ZBTB10: variants seen among roughly 807,000 people sequenced by gnomAD.
ZBTB10 encodes the protein zinc finger and BTB domain containing 10, also known as zinc finger and BTB domain-containing protein 10.
A neutral mutation model predicts 76.4 loss-of-function variants in ZBTB10; 32 were observed. The observed-to-expected ratio is 0.42, with a 90% CI of 0.32 to 0.56. ZBTB10 has a LOEUF of 0.56. Ranked by LOEUF, ZBTB10 falls within the 20% of genes least tolerant of loss-of-function variation. The probability of loss-of-function intolerance (pLI) is 0.14; values close to 1 mark genes in which losing one functional copy is unlikely to be tolerated. For missense variants in ZBTB10, 1,057 were observed against 1,098.5 expected (o/e 0.96, Z 0.53); for synonymous variants, 523 against 432.9 (o/e 1.21, Z -2.58).
chr8:80,491,150 G>C (rs1010940492), intron 1 of ZBTB10, among the ~76,000 whole-genome samples: 1 of 152,126 alleles, frequency 6.6e-6, no homozygotes, highest in Admixed American at 6.5e-5. Flanking sequence ...CAGCTTCCAG[G>C]TATGCCAGCT....
intron 1 of ZBTB10, among the ~76,000 whole-genome samples, chr8:80,488,257 C>T (rs995341917): frequency 5.9e-5 from 9 of 152,108 alleles, no homozygotes; most frequent in African/African-American, 2.2e-4. Flanking sequence ...TTCAGGAAAA[C>T]GTCCAGCCGA....
intron 2 of ZBTB10, among the ~76,000 whole-genome samples, chr8:80,506,305 T>C (rs1325608858): frequency 1.3e-5 from 2 of 152,028 alleles, no homozygotes; most frequent in Non-Finnish European, 2.9e-5. Flanking sequence ...TCATGGGTTT[T>C]TTTTCTTTTT....
rs193012275 is a variant in ZBTB10 at position 80,488,806 on chromosome 8, C to T, written c.972+1024C>T. ...GAATTCATTCTTTCGTATTGGTTAG[C>T]CAGTCGTTGATTTTATAAAGTTAGC... On this transcript the variant is annotated intron_variant, in intron 1 of 5. Coordinates refer to ENST00000455036, the MANE Select transcript of ZBTB10 (RefSeq NM_001105539.3). 6.1e-3 allele frequency among the ~76,000 whole-genome samples: 933 copies of T among 152,202 alleles called. 6 individuals carry two copies. Among genetic ancestry groups the T allele is most frequent in the Non-Finnish European group, 9.6e-3 (651 of 68,024 alleles).
In ZBTB10 at chr8:80,524,285, C is replaced by T. The variant is rs1036458556; in HGVS notation, c.*4757C>T. The stretch of plus-strand genomic sequence containing the variant: ...AAGTACATAAATGACAGACTACCTC[C>T]AAGTAATCCTGCTTTAATTAATAGC... On this transcript the variant is annotated 3_prime_UTR_variant, in exon 6 of 6. Coordinates refer to ENST00000455036, the MANE Select transcript of ZBTB10 (RefSeq NM_001105539.3). 6.6e-6 allele frequency: 1 copy of T among 152,006 alleles called. No homozygotes were observed. Among genetic ancestry groups the T allele is most frequent in the African/African-American group, 2.4e-5 (1 of 41,418 alleles). 9.4% of individuals were successfully genotyped at this position (152,006 alleles called of 1,614,324 possible). A position where few individuals can be genotyped will look rare whatever the true frequency, so the allele number is the denominator to read the frequency against.
At chr8:80,509,955 A>G (rs1438434685) in intron 2 of ZBTB10, among the ~76,000 whole-genome samples, 2 of 152,136 alleles carry the variant, frequency 1.3e-5, no homozygotes, top group African/African-American at 2.4e-5. Context: ...CCGTCCTTCC[A>G]TGAATAGTAC....
rs1423841879 is a variant in ZBTB10, at chr8:80,499,943, T to C, written c.1422T>C (p.Ser474=). The C allele has an allele frequency of 1.9e-6, 3 of 1,613,986 alleles. No individual in the cohort carries two copies. The highest frequency in any genetic ancestry group is 1.6e-4 in the Middle Eastern group (1 of 6,062). ...NISIKSEAPE[S]VVVDYNNRKP... ...GCATTAAATCAGAAGCTCCAGAGTC[T>C]GTAGTTGTGGACTATAATAATAGAA... is the stretch of plus-strand genomic sequence containing the variant. The change falls in exon 2 of 6, where the codon TCT becomes TCC. Residue 474 remains serine, a synonymous_variant. Coordinates refer to ENST00000455036, the MANE Select transcript of ZBTB10 (RefSeq NM_001105539.3).
intron 1 of ZBTB10, among the ~76,000 whole-genome samples, chr8:80,495,655 G>A (rs1234329351): frequency 6.6e-6 from 1 of 151,962 alleles, no homozygotes; most frequent in Non-Finnish European, 1.5e-5. Context: ...TGTAGACCCT[G>A]GCCAAAGTAG....
Position 80,503,206 on chromosome 8 carries a change from AATT to A in ZBTB10, c.1861+2830_1861+2832del, listed in dbSNP as rs545580287. On this transcript the variant is annotated intron_variant, in intron 2 of 5. Transcript: ENST00000455036. Reference sequence around the variant, plus strand: ...TTAAAATATTGTGTTGATTTTATAGAATTATTATGAAAATGAAGTGACAAATAT... The same window carrying A: ...TTAAAATATTGTGTTGATTTTATAGAATTATGAAAATGAAGTGACAAATAT... Among the ~76,000 whole-genome samples the A allele has an allele frequency of 1.9e-3, 293 of 152,290 alleles. 2 individuals are homozygous for A. Among genetic ancestry groups the A allele is most frequent in the African/African-American group, 6.5e-3 (272 of 41,564 alleles).
chr8:80,486,181 G>T (rs1176656311), upstream of ZBTB10: 4 of 1,012,616 alleles, frequency 4.0e-6, no homozygotes, highest in Non-Finnish European at 4.9e-6. Context: ...CCCCTCCAGC[G>T]GTTACTGCTA....
rs183105714 is a variant in ZBTB10 at position 80,518,968 on chromosome 8, A to G, written c.2310+14A>G. ...AGACATTCCCTGGTAAGTAACTTTA[A>G]ATACAGCTGATCTTTGAGATAAACT... On this transcript the variant is annotated intron_variant, in intron 5 of 5. Transcript: ENST00000455036. 2.0e-5 allele frequency: 31 copies of G among 1,579,972 alleles called. No homozygotes were observed. Among genetic ancestry groups the G allele is most frequent in the Non-Finnish European group, 2.5e-5 (29 of 1,161,356 alleles).
At chr8:80,489,205 A>G (rs1208010889) in intron 1 of ZBTB10, among the ~76,000 whole-genome samples, 1 of 151,928 alleles carries the variant, frequency 6.6e-6, no homozygotes, top group Non-Finnish European at 1.5e-5. Context: ...AGCTTTCTGC[A>G]ATTAACTAGC....
intron 2 of ZBTB10, among the ~76,000 whole-genome samples, chr8:80,503,719 T>C (rs1234898514): frequency 6.6e-6 from 1 of 152,026 alleles, no homozygotes; most frequent in Non-Finnish European, 1.5e-5. Context: ...AGGGTTTCAC[T>C]ATATGTTGGC....
chr8:80,511,944 A>G (rs539807499), intron 2 of ZBTB10, among the ~76,000 whole-genome samples: 3 of 152,282 alleles, frequency 2.0e-5, no homozygotes, highest in South Asian at 4.2e-4. Context: ...TTTATCATGC[A>G]TTATGATAAA....
upstream of ZBTB10, chr8:80,485,943 G>C: frequency 1.3e-6 from 2 of 1,493,220 alleles, no homozygotes; most frequent in Non-Finnish European, 1.8e-6. Context: ...TTTGTCCTCC[G>C]CGTAGCCCGG....
intron 1 of ZBTB10, among the ~76,000 whole-genome samples, chr8:80,499,125 A>C (rs946582925): frequency 6.6e-6 from 1 of 152,194 alleles, no homozygotes; most frequent in Admixed American, 6.5e-5. Context: ...TTGCTTTTCT[A>C]TAGAGATAAA....
At chr8:80,498,781 TATG>T (rs2131488581) in intron 1 of ZBTB10, among the ~76,000 whole-genome samples, 1 of 152,342 alleles carries the variant, frequency 6.6e-6, no homozygotes, top group African/African-American at 2.4e-5. Flanking sequence ...TGAATACCTG[TATG>T]ATAAGAAGCA....
upstream of ZBTB10, chr8:80,486,114 CACCCCAGCCCAGCCCCAAGCCCAG>C: frequency 2.1e-6 from 1 of 478,234 alleles, no homozygotes; most frequent in Non-Finnish European, 3.6e-6. Flanking sequence ...GCCCCCACCC[CACCCCAGCCCAGCCCCAAGCCCAG>C]CCCCCCTCCC....
chr8:80,487,218 T>A lies in ZBTB10; in HGVS notation c.408T>A (p.Asn136Lys). The change falls in exon 1 of 6, where the codon AAT becomes AAA. Residue 136 changes from asparagine to lysine, a missense_variant. Around this residue, in one of 5 missense-constraint regions of ZBTB10, gnomAD observed 556 missense variants for 451.7 expected, o/e 1.23. Transcript: ENST00000455036. ...GCGGCGGCGGGGGTCTCGGCAACAA[T>A]GGCAGTAGCCGCGGCCGCCCCGAGA... is the stretch of plus-strand genomic sequence containing the variant. ...RGGGGGGLGN[N>K]GSSRGRPETS... The A allele has an allele frequency of 6.5e-7, 1 of 1,546,510 alleles. No homozygotes were observed. The highest frequency in any genetic ancestry group is 8.7e-7 in the Non-Finnish European group (1 of 1,148,322).
chr8:80,506,543 T>G (rs2131500961), intron 2 of ZBTB10, among the ~76,000 whole-genome samples: 1 of 146,144 alleles, frequency 6.8e-6, no homozygotes, highest in Non-Finnish European at 1.5e-5. Context: ...GGTCTTGAAC[T>G]CCTGACCTCA....
Sources: gnomAD v4.1 joint callset for allele counts (sites outside exome capture counted in the v4.1 genomes callset) on GRCh38, gnomAD v4.1.1 for gene constraint, gnomAD v4.1.1 regional missense constraint, MANE v1.5 for transcripts, NCBI Gene and HGNC (gene_info 2026-07-23, HGNC 2026-07-21) for gene names.